The following GATAD2B variants were observed in gnomAD, a reference collection of about 807,000 sequenced individuals.
GATAD2B encodes the protein transcriptional repressor p66-beta.
In GATAD2B, 8 loss-of-function variants were observed where a neutral mutation model predicts 64.3. The ratio of observed to expected loss-of-function variants is 0.12; its 90% CI spans 0.07 to 0.22. GATAD2B has a LOEUF of 0.22. Among genes scored for constraint, GATAD2B ranks in the 10% least tolerant of loss-of-function variants. The pLI is 1.00. For synonymous variants in GATAD2B, 281 were observed against 271.3 expected (o/e 1.04, Z -0.35); for missense variants, 453 against 752.0 (o/e 0.60, Z 4.65).
At chr1:153,827,737 C>T in intron 2 of GATAD2B, 1 of 461,664 alleles carries the variant, frequency 2.2e-6, no homozygotes. Context: ...TATTAACTCA[C>T]TTCCATTTGG....
chr1:153,879,755 C>T (rs1177090800), intron 1 of GATAD2B, among the ~76,000 whole-genome samples: 1 of 113,960 alleles, frequency 8.8e-6, no homozygotes, highest in Non-Finnish European at 1.7e-5. Context: ...GAGCGAGACA[C>T]TGTCTACAAA....
At chr1:153,827,878 T>C in intron 2 of GATAD2B, 135 bp downstream of exon 2, 5 of 676,490 alleles carry the variant, frequency 7.4e-6, no homozygotes, top group Non-Finnish European at 1.3e-5. Flanking sequence ...AATGAATTTA[T>C]GGTCAAACTC....
intron 2 of GATAD2B, among the ~76,000 whole-genome samples, chr1:153,824,612 TAAAA>T (rs771879855): frequency 3.1e-5 from 3 of 96,694 alleles, no homozygotes; most frequent in Admixed American, 1.4e-4. Context: ...ACTCTGCCTT[TAAAA>T]AAAAAAAAAA....
At chr1:153,840,952 C>T (rs578199506) in intron 1 of GATAD2B, among the ~76,000 whole-genome samples, 2 of 151,846 alleles carry the variant, frequency 1.3e-5, no homozygotes, top group Admixed American at 1.3e-4. Context: ...GGTGAAACCC[C>T]GTCTCTACTA....
Position 153,808,341 on chromosome 1 carries a change from G to A in GATAD2B, c.*1836C>T, listed in dbSNP as rs923486654. 6.6e-6 allele frequency: 1 copy of A among 152,612 alleles called. No individual in the cohort carries two copies. The highest frequency in any genetic ancestry group is 6.5e-5 in the Admixed American group (1 of 15,268). 9.5% of individuals were successfully genotyped at this position (152,612 alleles called of 1,614,324 possible). A position where few individuals can be genotyped will look rare whatever the true frequency, so the allele number is the denominator to read the frequency against. On this transcript the variant is annotated 3_prime_UTR_variant, in exon 11 of 11. Coordinates refer to ENST00000368655, the MANE Select transcript of GATAD2B (RefSeq NM_020699.4). ...TAGGGCCAGTATAGTCACCCACAGT[G>A]GCACTGGGGTGTGGGGAGTAGAGGC...
At chr1:153,895,733 T>C (rs1387849608) in intron 1 of GATAD2B, among the ~76,000 whole-genome samples, 1 of 152,220 alleles carries the variant, frequency 6.6e-6, no homozygotes, top group African/African-American at 2.4e-5. Context: ...CCTTTATCCA[T>C]ATAGCTTCAG....
chr1:153,849,891 C>CA (rs35157289), intron 1 of GATAD2B, among the ~76,000 whole-genome samples: 4 of 152,152 alleles, frequency 2.6e-5, no homozygotes, highest in African/African-American at 9.7e-5. Flanking sequence ...CTTGGCCTCC[C>CA]AAAGTGCTGG....
intron 1 of GATAD2B, among the ~76,000 whole-genome samples, chr1:153,897,484 A>G (rs1488603437): frequency 6.6e-6 from 1 of 152,246 alleles, no homozygotes; most frequent in Non-Finnish European, 1.5e-5. Flanking sequence ...TACCTCAAAT[A>G]GGATTACTTG....
At chr1:153,834,426 C>T (rs1434341161) in intron 1 of GATAD2B, among the ~76,000 whole-genome samples, 2 of 151,846 alleles carry the variant, frequency 1.3e-5, no homozygotes, top group Non-Finnish European at 2.9e-5. Flanking sequence ...CGGAGTTTTG[C>T]TCTTGTTGCC....
At chr1:153,878,775 T>TC (rs1676915008) in intron 1 of GATAD2B, among the ~76,000 whole-genome samples, 1 of 11,802 alleles carries the variant, frequency 8.5e-5, no homozygotes, top group South Asian at 4.7e-3. Flanking sequence ...ACTTTATTCC[T>TC]TTTTTTTTTT....
intron 1 of GATAD2B, among the ~76,000 whole-genome samples, chr1:153,870,308 C>T (rs780216438): frequency 6.6e-5 from 10 of 152,114 alleles, no homozygotes; most frequent in Non-Finnish European, 1.3e-4. Context: ...CAGTGGCTCA[C>T]GCCTGTAATT....
Position 153,809,944 on chromosome 1 carries a change from G to A in GATAD2B, c.*233C>T. ...CACCTCACTGTTAAAGAAAACTGAA[G>A]AGAGAAGACAGAGCGGCAGAAGAAC... On this transcript the variant is annotated 3_prime_UTR_variant, in exon 11 of 11. Coordinates refer to ENST00000368655, the MANE Select transcript of GATAD2B (RefSeq NM_020699.4). 1 of 430,812 alleles carries A rather than the reference G, an allele frequency of 2.3e-6. No homozygotes were observed. Among genetic ancestry groups the A allele is most frequent in the Non-Finnish European group, 4.1e-6 (1 of 243,588 alleles). 26.7% of individuals were successfully genotyped at this position (430,812 alleles called of 1,614,324 possible).
chr1:153,907,649 T>C (rs534878104), intron 1 of GATAD2B, among the ~76,000 whole-genome samples: 1 of 151,764 alleles, frequency 6.6e-6, no homozygotes, highest in Non-Finnish European at 1.5e-5. Context: ...TTTTTTTTTT[T>C]TTTTTTTGAG....
intron 1 of GATAD2B, among the ~76,000 whole-genome samples, chr1:153,873,084 T>C (rs1676720824): frequency 1.3e-5 from 2 of 152,138 alleles, no homozygotes; most frequent in African/African-American, 4.8e-5. Context: ...AGCATTGCTT[T>C]TGGATATCAC....
chr1:153,834,918 G>C (rs1432720362), intron 1 of GATAD2B, among the ~76,000 whole-genome samples: 1 of 151,758 alleles, frequency 6.6e-6, no homozygotes, highest in Non-Finnish European at 1.5e-5. Context: ...CCAGGAGTTC[G>C]AGACCAACCT....
intron 2 of GATAD2B, among the ~76,000 whole-genome samples, chr1:153,823,738 G>T (rs372027832): frequency 0.011 from 1,605 of 141,572 alleles, 29 homozygotes; most frequent in African/African-American, 0.04. Flanking sequence ...TTTTTTGTTT[G>T]TTTTTTTTTT....
At chr1:153,921,381 T>C (rs1314282946) in intron 1 of GATAD2B, among the ~76,000 whole-genome samples, 2 of 152,188 alleles carry the variant, frequency 1.3e-5, no homozygotes, top group East Asian at 3.8e-4. Flanking sequence ...AAAATATAAA[T>C]TTTTAGAAAA....
At chr1:153,838,656 A>G (rs187440862) in intron 1 of GATAD2B, among the ~76,000 whole-genome samples, 7 of 152,262 alleles carry the variant, frequency 4.6e-5, no homozygotes, top group Non-Finnish European at 8.8e-5. Flanking sequence ...GCGAGCCACC[A>G]TGTGCATATT....
chr1:153,828,302 G>A lies in GATAD2B; in HGVS notation c.46C>T (p.Arg16Trp), dbSNP rs777862604. 2.5e-6 allele frequency: 4 copies of A among 1,613,024 alleles called. No individual in the cohort carries two copies. Among genetic ancestry groups the A allele is most frequent in the Non-Finnish European group, 3.4e-6 (4 of 1,180,008 alleles). Residue 16 changes from arginine (R) to tryptophan (W), a missense_variant, in exon 2 of 11, where the codon CGG becomes TGG. Physicochemically the swap from Arg to Trp is moderately radical, Grantham distance 101 (BLOSUM62 -3). Coordinates refer to ENST00000368655, the MANE Select transcript of GATAD2B (RefSeq NM_020699.4). ...CGCTCATCTGCTGGGTCCAAGCTCC[G>A]CTTCAACAGATTCAAGCGAAGAGCA... is the stretch of plus-strand genomic sequence containing the variant. Reference protein sequence around the residue: ...EDALRLNLLKRSLDPADERDD... With the variant: ...EDALRLNLLKWSLDPADERDD...
Sources: gnomAD v4.1 joint callset for allele counts (sites outside exome capture counted in the v4.1 genomes callset) on GRCh38, gnomAD v4.1.1 for gene constraint, MANE v1.5 for transcripts, NCBI Gene and HGNC (gene_info 2026-07-23, HGNC 2026-07-21) for gene names.